Variants in EYS observed in about 807,000 individuals in gnomAD.
The protein encoded by EYS is protein eyes shut homolog.
Under a neutral mutation model 282.1 loss-of-function variants are expected in EYS, and 250 were observed. The observed-to-expected ratio is 0.89, with a 90% CI of 0.80 to 0.98. EYS has a LOEUF of 0.98. Among genes scored for constraint, EYS ranks in the 50% least tolerant of loss-of-function variants. The probability of loss-of-function intolerance (pLI) is 0.00; values close to 1 mark genes in which losing one functional copy is unlikely to be tolerated. For synonymous variants in EYS, 1,355 were observed against 1,282.9 expected (o/e 1.06, Z -1.20); for missense variants, 4,016 against 3,709.0 (o/e 1.08, Z -2.15).
At chr6:64,151,311 GTATATTTATATATATA>G (rs1186386136) in intron 31 of EYS, among the ~76,000 whole-genome samples, 1,965 of 87,136 alleles carry the variant, frequency 0.023, 40 homozygotes, top group Non-Finnish European at 0.029. Context: ...GTGTGTGTGT[GTATATTTATATATATA>G]TATATATATA....
chr6:63,782,775 T>C (rs1048308294), intron 39 of EYS, among the ~76,000 whole-genome samples: 11 of 152,172 alleles, frequency 7.2e-5, no homozygotes, highest in Non-Finnish European at 1.5e-4. Context: ...ATCTTAGTTA[T>C]TTATTGCCTT....
intron 35 of EYS, among the ~76,000 whole-genome samples, chr6:63,968,116 C>T (rs9353407): frequency 0.3 from 45,636 of 151,902 alleles, 6,945 homozygotes; most frequent in Admixed American, 0.38. Context: ...AAAGAAAGAC[C>T]TTTGTAACAT....
chr6:64,548,493 C>A (rs990088501), intron 26 of EYS, among the ~76,000 whole-genome samples: 4 of 152,120 alleles, frequency 2.6e-5, no homozygotes, highest in African/African-American at 4.8e-5. Context: ...GAATGCTATT[C>A]AGTCATAAAA....
chr6:65,532,828 G>T (rs1251521301), intron 2 of EYS, among the ~76,000 whole-genome samples: 3 of 152,030 alleles, frequency 2.0e-5, no homozygotes, highest in Admixed American at 2.0e-4. Flanking sequence ...AAACTAAAGG[G>T]TATAATCTCT....
At chr6:64,986,657 T>A (rs1014825552) in intron 14 of EYS, among the ~76,000 whole-genome samples, 2 of 150,184 alleles carry the variant, frequency 1.3e-5, no homozygotes, top group Admixed American at 6.7e-5. Flanking sequence ...GAAACAATTA[T>A]AAGGGCCAAA....
intron 22 of EYS, among the ~76,000 whole-genome samples, chr6:64,754,023 T>C (rs1198526105): frequency 6.6e-6 from 1 of 152,110 alleles, no homozygotes; most frequent in Non-Finnish European, 1.5e-5. Flanking sequence ...CATGATGAAA[T>C]TAATTTGGAA....
At chr6:64,069,593 T>C (rs943369843) in intron 32 of EYS, among the ~76,000 whole-genome samples, 11 of 152,096 alleles carry the variant, frequency 7.2e-5, no homozygotes, top group African/African-American at 1.7e-4. Context: ...ATGGCCAGCA[T>C]TAATATTCAG....
intron 22 of EYS, among the ~76,000 whole-genome samples, chr6:64,698,638 A>T (rs1770669053): frequency 6.6e-6 from 1 of 152,120 alleles, no homozygotes; most frequent in Admixed American, 6.6e-5. Context: ...TTACAAGAGA[A>T]AAACAATCTC....
At chr6:65,105,632 C>T (rs373528415) in intron 12 of EYS, among the ~76,000 whole-genome samples, 1 of 151,802 alleles carries the variant, frequency 6.6e-6, no homozygotes, top group African/African-American at 2.4e-5. Context: ...TTGACCTAAT[C>T]CTGTCTGTGA....
rs1768651154 is a variant in EYS at position 65,295,961 on chromosome 6, A to G, written c.1925T>C (p.Ile642Thr). 2.6e-6 allele frequency: 4 copies of G among 1,551,042 alleles called. No homozygotes were observed. Among genetic ancestry groups the G allele is most frequent in the East Asian group, 2.4e-5 (1 of 40,900 alleles). The stretch of plus-strand genomic sequence containing the variant: ...CGCAGATTTGCAGTCTTCAGTATCT[A>G]TCTCACAGATGTTCCTTTCATATCT... ...LQRYERNICEIDTEDCKSASC... is the reference protein window; with the variant it reads ...LQRYERNICETDTEDCKSASC... The change falls in exon 12 of 43, where the codon ATA (isoleucine) becomes ACA (threonine). Residue 642 changes from isoleucine to threonine, a missense_variant. Physicochemically the swap from Ile to Thr is moderately conservative, Grantham distance 89 (BLOSUM62 -1). Coordinates refer to ENST00000503581, the MANE Select transcript of EYS (RefSeq NM_001142800.2).
At chr6:64,585,230 T>C (rs1349050102) in intron 26 of EYS, among the ~76,000 whole-genome samples, 1 of 152,054 alleles carries the variant, frequency 6.6e-6, no homozygotes, top group East Asian at 1.9e-4. Flanking sequence ...GGAAACCAAA[T>C]ACTAGATGTT....
chr6:65,428,561 GCCAAAT>G (rs1165805553), intron 5 of EYS, among the ~76,000 whole-genome samples: 5 of 151,514 alleles, frequency 3.3e-5, no homozygotes, highest in Non-Finnish European at 7.4e-5. Flanking sequence ...GGAATTGTAT[GCCAAAT>G]CTATGCTGTT....
chr6:64,779,773 T>C (rs1773802035), intron 22 of EYS, among the ~76,000 whole-genome samples: 1 of 152,150 alleles, frequency 6.6e-6, no homozygotes, highest in South Asian at 2.1e-4. Flanking sequence ...TCACTCAATA[T>C]TTCTGTAAAA....
intron 22 of EYS, among the ~76,000 whole-genome samples, chr6:64,767,200 T>C (rs951432179): frequency 2.0e-5 from 3 of 152,128 alleles, no homozygotes; most frequent in South Asian, 2.1e-4. Flanking sequence ...TGTTTTGATG[T>C]ATGTAATATA....
chr6:64,733,359 G>A lies in EYS; in HGVS notation c.3443+80019C>T, dbSNP rs554947351. 2.8e-5 allele frequency: 5 copies of A among 176,550 alleles called. No homozygotes were observed. In the South Asian group the frequency reaches 5.7e-4, roughly 20 times the overall value. 10.9% of individuals were successfully genotyped at this position (176,550 alleles called of 1,614,324 possible). A position where few individuals can be genotyped will look rare whatever the true frequency, so the allele number is the denominator to read the frequency against. ...GCACCTGATGACTGACAGGAGCAGG[G>A]CAGTCATACTCACATCCAGGAGCTT... is the stretch of plus-strand genomic sequence containing the variant. On this transcript the variant is annotated intron_variant, in intron 22 of 42. Coordinates refer to ENST00000503581, the MANE Select transcript of EYS (RefSeq NM_001142800.2).
intron 18 of EYS, among the ~76,000 whole-genome samples, chr6:64,900,750 G>A (rs929611894): frequency 4.6e-5 from 7 of 151,914 alleles, no homozygotes; most frequent in Admixed American, 2.6e-4. Context: ...AGAGAGATGC[G>A]GAGAAAATGT....
chr6:65,072,073 T>G (rs768196878), intron 12 of EYS, among the ~76,000 whole-genome samples: 7 of 151,768 alleles, frequency 4.6e-5, no homozygotes, highest in Non-Finnish European at 8.8e-5. Flanking sequence ...CTAAGACAAA[T>G]AGTAAGCTCC....
chr6:64,964,723 T>C (rs1010282784), intron 14 of EYS, among the ~76,000 whole-genome samples: 2 of 152,172 alleles, frequency 1.3e-5, no homozygotes, highest in African/African-American at 2.4e-5. Context: ...TTAATAAAAT[T>C]GAGTTCATTG....
chr6:65,347,792 C>A (rs1390128448), intron 9 of EYS, among the ~76,000 whole-genome samples: 1 of 151,054 alleles, frequency 6.6e-6, no homozygotes, highest in Non-Finnish European at 1.5e-5. Flanking sequence ...CTGTAGTCAC[C>A]CTGTGGTTCT....
Sources: allele counts gnomAD v4.1 joint callset (sites outside exome capture counted in the v4.1 genomes callset), GRCh38; gene constraint gnomAD v4.1.1; transcripts MANE v1.5; gene names NCBI Gene and HGNC (gene_info 2026-07-23, HGNC 2026-07-21).